Variants in SLC25A18 observed in about 807,000 individuals in gnomAD.
SLC25A18 encodes the protein solute carrier family 25 member 18.
Under a neutral mutation model 31.1 loss-of-function variants are expected in SLC25A18, and 24 were observed. The ratio of observed to expected loss-of-function variants is 0.77; its 90% confidence interval spans 0.56 to 1.08. SLC25A18 has a LOEUF of 1.08. SLC25A18 is among the 50% of genes least tolerant of loss of function. SLC25A18 has a pLI of 0.00. For synonymous variants in SLC25A18, 173 were observed against 161.9 expected, an observed-to-expected ratio of 1.07 and a Z score of -0.52; for missense variants, 371 against 418.5, an observed-to-expected ratio of 0.89 and a Z score of 0.99.
intron 8 of SLC25A18, 45 bp downstream of exon 8, chr22:17,587,346 G>A: frequency 4.5e-6 from 7 of 1,566,924 alleles, no homozygotes; most frequent in Non-Finnish European, 6.0e-6. Context: ...ACGGGGGAGG[G>A]CACGAGGGCC....
intron 8 of SLC25A18, among the ~76,000 whole-genome samples, chr22:17,587,559 A>G (rs955887927): frequency 1.3e-5 from 2 of 152,182 alleles, no homozygotes; most frequent in African/African-American, 4.8e-5. Flanking sequence ...GCCCAAAGGC[A>G]CCTAAGAAAG....
intron 8 of SLC25A18, 148 bp downstream of exon 8, chr22:17,587,449 G>A: frequency 8.9e-7 from 1 of 1,117,824 alleles, no homozygotes; most frequent in Non-Finnish European, 1.2e-6. Context: ...GTTTTGTCTG[G>A]AACTGGCCAG....
At chr22:17,584,377 A>G (rs2057462629) in intron 7 of SLC25A18, among the ~76,000 whole-genome samples, 1 of 150,352 alleles carries the variant, frequency 6.7e-6, no homozygotes, top group Admixed American at 6.6e-5. Context: ...TGGGAGACAG[A>G]GCAAGACTCC....
chr22:17,580,173 T>A lies in SLC25A18; in HGVS notation c.20+209T>A, dbSNP rs73876473. 5.7e-3 allele frequency: 2,618 copies of A among 455,306 alleles called. 49 individuals are homozygous for A. The highest frequency in any genetic ancestry group is 0.044 in the African/African-American group (2,210 of 50,056). 28.2% of individuals were successfully genotyped at this position (455,306 alleles called of 1,614,324 possible). ...ACATATATGTTATTGTTCAACATAG[T>A]TTAATTGTTTGGGTTCATCTTCTCT... On this transcript the variant is annotated intron_variant, in intron 3 of 10. Transcript: ENST00000327451.
chr22:17,566,474 G>A lies in SLC25A18; in HGVS notation c.-264+2761G>A, dbSNP rs1176983194. 5.9e-5 allele frequency among the ~76,000 whole-genome samples: 9 copies of A among 151,584 alleles called. No individual in the cohort carries two copies. The East Asian group carries it at 1.2e-3, about 20-fold the overall frequency. On this transcript the variant is annotated intron_variant, in intron 1 of 10. Transcript: ENST00000327451. The stretch of plus-strand genomic sequence containing the variant: ...GTTGCCCAAGCTGGAGTGCAATGGC[G>A]CAATCTCGGCTCACTACAACCTCCG...
chr22:17,586,060 G>A (rs918380123), intron 7 of SLC25A18, among the ~76,000 whole-genome samples: 3 of 152,178 alleles, frequency 2.0e-5, no homozygotes, highest in Non-Finnish European at 2.9e-5. Flanking sequence ...ACCAAATAGG[G>A]AAGAGTGGGA....
At chr22:17,576,560 G>A (rs376032706) in intron 2 of SLC25A18, among the ~76,000 whole-genome samples, 6 of 152,242 alleles carry the variant, frequency 3.9e-5, no homozygotes, top group South Asian at 2.1e-4. Flanking sequence ...GGCAGTTATC[G>A]GCCCTGGTGC....
At chr22:17,570,974 GT>G (rs1464105644) in intron 2 of SLC25A18, among the ~76,000 whole-genome samples, 1 of 152,234 alleles carries the variant, frequency 6.6e-6, no homozygotes, top group Non-Finnish European at 1.5e-5. Flanking sequence ...CCAAAGAACA[GT>G]TTGTAAATCA....
intron 5 of SLC25A18, chr22:17,582,303 G>C (rs2057400980): frequency 3.6e-6 from 1 of 274,644 alleles, no homozygotes; most frequent in Non-Finnish European, 6.8e-6. Flanking sequence ...GCGAACCCGG[G>C]AGGCGGAGCT....
At chr22:17,585,657 T>A (rs1451393809) in intron 7 of SLC25A18, among the ~76,000 whole-genome samples, 47 of 144,726 alleles carry the variant, frequency 3.2e-4, no homozygotes, top group African/African-American at 9.4e-4. Context: ...ATTATTTTTT[T>A]TTTTTTTTTG....
chr22:17,584,433 AGGAAGGAAGGAAGGAG>A (rs2057470863), intron 7 of SLC25A18, among the ~76,000 whole-genome samples: 1 of 130,900 alleles, frequency 7.6e-6, no homozygotes, highest in Non-Finnish European at 1.5e-5. Context: ...GAAGGAAGGA[AGGAAGGAAGGAAGGAG>A]AGAGAGAGAG....
At chr22:17,572,156 C>T (rs2057106101) in intron 2 of SLC25A18, among the ~76,000 whole-genome samples, 1 of 151,834 alleles carries the variant, frequency 6.6e-6, no homozygotes, top group Non-Finnish European at 1.5e-5. Context: ...CACTGCACTC[C>T]AGCCTGGGCA....
intron 1 of SLC25A18, among the ~76,000 whole-genome samples, 160 bp downstream of exon 1, chr22:17,563,873 A>G (rs1238874809): frequency 6.6e-6 from 1 of 152,186 alleles, no homozygotes; most frequent in East Asian, 1.9e-4. Context: ...TGCTAGAAAG[A>G]GTGTACTGCT....
chr22:17,567,988 G>T (rs1267292190), intron 1 of SLC25A18, among the ~76,000 whole-genome samples: 1 of 151,912 alleles, frequency 6.6e-6, no homozygotes, highest in Non-Finnish European at 1.5e-5. Flanking sequence ...TTGCTGTCTG[G>T]TTTTTTTGGC....
chr22:17,574,191 G>A (rs552581653), intron 2 of SLC25A18, among the ~76,000 whole-genome samples: 5 of 152,302 alleles, frequency 3.3e-5, no homozygotes, highest in South Asian at 4.1e-4. Context: ...CTGAGATTGC[G>A]CCACGGCGCT....
chr22:17,589,986 T>C (rs1043468491), intron 10 of SLC25A18, 109 bp from the exon 11 acceptor site: 11 of 1,458,080 alleles, frequency 7.5e-6, no homozygotes, highest in Middle Eastern at 2.5e-4. Context: ...GCTCTTGTTG[T>C]GGAAGGCACT....
At chr22:17,583,651 T>A in intron 7 of SLC25A18, 117 bp downstream of exon 7, 1 of 1,416,246 alleles carries the variant, frequency 7.1e-7, no homozygotes, top group Non-Finnish European at 9.4e-7. Flanking sequence ...TCCAAGCAGG[T>A]AGAAGTTTTT....
At chr22:17,585,238 A>G (rs1222004845) in intron 7 of SLC25A18, 2 of 151,512 alleles carry the variant, frequency 1.3e-5, no homozygotes, top group African/African-American at 4.9e-5. Flanking sequence ...TAAAAATACA[A>G]AATTAGCCGG....
At chr22:17,582,249 G>A (rs1002710090) in intron 5 of SLC25A18, 10 of 185,038 alleles carry the variant, frequency 5.4e-5, no homozygotes, top group Non-Finnish European at 6.7e-5. Context: ...GGTGGCGGGC[G>A]CCTGTAGTCC....
Sources: allele counts gnomAD v4.1 joint callset (sites outside exome capture counted in the v4.1 genomes callset), GRCh38; gene constraint gnomAD v4.1.1; transcripts MANE v1.5; gene names NCBI Gene and HGNC (gene_info 2026-07-23, HGNC 2026-07-21).